Variants in BACE2 observed in about 807,000 individuals in gnomAD.
BACE2 encodes 56 kDa aspartic-like protease.
A neutral mutation model predicts 46.2 loss-of-function variants in BACE2; 17 were observed. The ratio of observed to expected loss-of-function variants is 0.37; its 90% CI spans 0.25 to 0.55. The LOEUF is 0.55. BACE2 is among the 20% of genes least tolerant of loss of function. The probability of loss-of-function intolerance (pLI) is 0.82; values close to 1 mark genes in which losing one functional copy is unlikely to be tolerated. For missense variants in BACE2, 595 were observed against 698.1 expected (o/e 0.85, Z 1.66); for synonymous variants, 277 against 295.9 (o/e 0.94, Z 0.66).
At chr21:41,255,306 G>GCCTAGGCCTA (rs1346378412) in intron 7 of BACE2, among the ~76,000 whole-genome samples, 2 of 152,140 alleles carry the variant, frequency 1.3e-5, no homozygotes, top group African/African-American at 4.8e-5. Context: ...TAGATCACGG[G>GCCTAGGCCTA]GTGACCTAGG....
intron 1 of BACE2, among the ~76,000 whole-genome samples, chr21:41,171,301 A>G (rs1449327137): frequency 1.3e-5 from 2 of 152,246 alleles, no homozygotes; most frequent in Non-Finnish European, 2.9e-5. Context: ...CCTTGAGAGG[A>G]GAGGTTCAAC....
At chr21:41,234,919 C>T (rs1187120286) in intron 2 of BACE2, among the ~76,000 whole-genome samples, 1 of 152,148 alleles carries the variant, frequency 6.6e-6, no homozygotes, top group South Asian at 2.1e-4. Context: ...GATCTGCGCA[C>T]AGAAAACATT....
intron 2 of BACE2, among the ~76,000 whole-genome samples, chr21:41,227,724 C>G (rs189906569): frequency 6.6e-6 from 1 of 152,312 alleles, no homozygotes; most frequent in Non-Finnish European, 1.5e-5. Context: ...AAGCTTTCTT[C>G]ATTGATATTC....
At chr21:41,246,972 C>T (rs1354806972) in intron 6 of BACE2, among the ~76,000 whole-genome samples, 9 of 152,128 alleles carry the variant, frequency 5.9e-5, no homozygotes, top group Non-Finnish European at 2.9e-5. Flanking sequence ...TGTTCAGATG[C>T]GAGAGGAACA....
chr21:41,192,679 G>A (rs1458778413), intron 1 of BACE2, among the ~76,000 whole-genome samples: 1 of 152,210 alleles, frequency 6.6e-6, no homozygotes, highest in East Asian at 1.9e-4. Flanking sequence ...AGCACCATTG[G>A]ATCTGCTGGG....
chr21:41,250,023 AG>A (rs1459877982), intron 6 of BACE2, among the ~76,000 whole-genome samples: 2 of 152,156 alleles, frequency 1.3e-5, no homozygotes, highest in Admixed American at 6.5e-5. Context: ...GCAAGGTATT[AG>A]GGCTGCAGCG....
chr21:41,256,886 C>T (rs752797012), intron 7 of BACE2, among the ~76,000 whole-genome samples: 1 of 152,152 alleles, frequency 6.6e-6, no homozygotes, highest in Non-Finnish European at 1.5e-5. Context: ...CATCAGCAAA[C>T]AGTTGGACAG....
At chr21:41,226,158 C>G in intron 1 of BACE2, 108 bp from the exon 2 acceptor site, 1 of 823,438 alleles carries the variant, frequency 1.2e-6, no homozygotes, top group Non-Finnish European at 2.0e-6. Context: ...TTTGTTCCAA[C>G]TGATAAATTA....
At chr21:41,205,787 A>G (rs895834343) in intron 1 of BACE2, among the ~76,000 whole-genome samples, 1 of 152,220 alleles carries the variant, frequency 6.6e-6, no homozygotes, top group Non-Finnish European at 1.5e-5. Flanking sequence ...GAAAACTGTT[A>G]TGAAAGAGAA....
intron 2 of BACE2, among the ~76,000 whole-genome samples, chr21:41,228,902 T>C (rs1986896275): frequency 6.6e-6 from 1 of 152,220 alleles, no homozygotes; most frequent in African/African-American, 2.4e-5. Flanking sequence ...ATACTAAACC[T>C]GTGTAGAAAA....
chr21:41,256,254 T>G (rs1332330441), intron 7 of BACE2, among the ~76,000 whole-genome samples: 3 of 152,140 alleles, frequency 2.0e-5, no homozygotes, highest in Non-Finnish European at 2.9e-5. Context: ...CTCTACCCCC[T>G]GACAGGTCCT....
chr21:41,256,084 G>GTT (rs145187642), intron 7 of BACE2, among the ~76,000 whole-genome samples: 21 of 148,072 alleles, frequency 1.4e-4, no homozygotes, highest in South Asian at 4.3e-4. Context: ...TGTTTGTTTT[G>GTT]TTTTTTTTTG....
At chr21:41,217,255 C>T (rs550168833) in intron 1 of BACE2, among the ~76,000 whole-genome samples, 25 of 152,328 alleles carry the variant, frequency 1.6e-4, no homozygotes, top group African/African-American at 6.0e-4. Context: ...TTATCTGTGA[C>T]TTTCAATGGC....
chr21:41,241,516 C>T (rs559466644), intron 3 of BACE2, among the ~76,000 whole-genome samples: 1 of 152,304 alleles, frequency 6.6e-6, no homozygotes, highest in Admixed American at 6.5e-5. Context: ...CCTACTTCCA[C>T]GGCTTCTCAC....
rs78469201 is a variant in BACE2, at chr21:41,243,944, C to A, written c.882+434C>A. Among the ~76,000 whole-genome samples, 1,019 of 152,286 alleles carry A rather than the reference C, an allele frequency of 6.7e-3. 6 individuals are homozygous for A. The highest frequency in any genetic ancestry group is 0.011 in the Non-Finnish European group (729 of 68,030). The stretch of plus-strand genomic sequence containing the variant: ...TATCCTCCATTCACAGCTAGCCTGG[C>A]CCCCAGAGTACCCAATTCTCCCTAA... On this transcript the variant is annotated intron_variant, in intron 5 of 8. Transcript: ENST00000330333.
chr21:41,235,850 T>TAATA (rs535173163), intron 2 of BACE2, among the ~76,000 whole-genome samples: 1 of 139,690 alleles, frequency 7.2e-6, no homozygotes, highest in Non-Finnish European at 1.5e-5. Flanking sequence ...TTAAAAGAAA[T>TAATA]AATAAATGAA....
At chr21:41,218,236 G>T (rs548900397) in intron 1 of BACE2, among the ~76,000 whole-genome samples, 3 of 152,260 alleles carry the variant, frequency 2.0e-5, no homozygotes. Context: ...AAAAAGTCAC[G>T]TGTAATGAGG....
chr21:41,217,631 C>T (rs1317958253), intron 1 of BACE2, among the ~76,000 whole-genome samples: 1 of 152,166 alleles, frequency 6.6e-6, no homozygotes, highest in Non-Finnish European at 1.5e-5. Flanking sequence ...GTGCTGGACA[C>T]GTTGTACTTT....
At chr21:41,195,074 C>CT (rs1985691549) in intron 1 of BACE2, among the ~76,000 whole-genome samples, 3 of 152,230 alleles carry the variant, frequency 2.0e-5, no homozygotes. Context: ...AAAGGAAGGC[C>CT]TGTGGGCCAA....
Sources: gnomAD v4.1 joint callset for allele counts (sites outside exome capture counted in the v4.1 genomes callset) on GRCh38, gnomAD v4.1.1 for gene constraint, MANE v1.5 for transcripts, NCBI Gene and HGNC (gene_info 2026-07-23, HGNC 2026-07-21) for gene names.